ROBO2: variants seen among roughly 807,000 people sequenced by gnomAD.
The protein encoded by ROBO2 is roundabout guidance receptor 2, also known as roundabout homolog 2.
Under a neutral mutation model 160.8 loss-of-function variants are expected in ROBO2, and 53 were observed. The ratio of observed to expected loss-of-function variants is 0.33; its 90% CI spans 0.26 to 0.41. ROBO2 has a LOEUF of 0.41. Ranked by LOEUF, ROBO2 falls within the 10% of genes least tolerant of loss-of-function variation. ROBO2 has a pLI of 1.00. For missense variants in ROBO2, 1,577 were observed against 1,722.4 expected (o/e 0.92, Z 1.49); for synonymous variants, 664 against 611.7 (o/e 1.09, Z -1.26).
chr3:77,607,239 G>C (rs948039048), intron 20 of ROBO2, among the ~76,000 whole-genome samples: 1 of 152,156 alleles, frequency 6.6e-6, no homozygotes, highest in African/African-American at 2.4e-5. Flanking sequence ...CCATTCATTA[G>C]TTAAAAAGTC....
At chr3:76,065,736 A>AATATAT (rs370232330) in intron 2 of ROBO2, among the ~76,000 whole-genome samples, 17 of 134,240 alleles carry the variant, frequency 1.3e-4, no homozygotes, top group South Asian at 1.1e-3. Context: ...ATTTAAACTA[A>AATATAT]ATATATATAT....
At chr3:77,417,673 A>G (rs1261168874) in intron 2 of ROBO2, among the ~76,000 whole-genome samples, 2 of 152,100 alleles carry the variant, frequency 1.3e-5, no homozygotes, top group East Asian at 3.8e-4. Context: ...AAATCAGTAA[A>G]CTTATTTTTT....
chr3:77,063,614 A>G (rs1481474906), intron 1 of ROBO2, among the ~76,000 whole-genome samples: 1 of 152,212 alleles, frequency 6.6e-6, no homozygotes, highest in Non-Finnish European at 1.5e-5. Flanking sequence ...TTTATGACTC[A>G]CACTTACGTT....
chr3:76,732,216 G>T (rs1443210197), intron 2 of ROBO2, among the ~76,000 whole-genome samples: 1 of 152,120 alleles, frequency 6.6e-6, no homozygotes, highest in Non-Finnish European at 1.5e-5. Flanking sequence ...AGAGTGTTTG[G>T]TAGAAAATAT....
chr3:77,379,101 C>G (rs916952855), intron 2 of ROBO2, among the ~76,000 whole-genome samples: 5 of 152,216 alleles, frequency 3.3e-5, no homozygotes, highest in African/African-American at 1.2e-4. Context: ...GCACATGCCA[C>G]CACGCCCAGC....
chr3:76,247,889 A>G (rs1296593678), intron 2 of ROBO2, among the ~76,000 whole-genome samples: 2 of 151,904 alleles, frequency 1.3e-5, no homozygotes, highest in Admixed American at 6.6e-5. Flanking sequence ...CACATGAAAA[A>G]ATGCTCACCA....
intron 2 of ROBO2, among the ~76,000 whole-genome samples, chr3:76,871,960 T>C (rs931519127): frequency 6.6e-6 from 1 of 152,226 alleles, no homozygotes; most frequent in Non-Finnish European, 1.5e-5. Flanking sequence ...TCACATTTTT[T>C]AAAATTTTCT....
At position 77,558,192 on chromosome 3, in the gene ROBO2, A is replaced by G. The variant is rs145873785; in HGVS notation, c.1437+43A>G. The G allele has an allele frequency of 3.9e-4, 584 of 1,505,438 alleles. 5 individuals carry two copies. The African/African-American group carries it at 6.8e-3, about 17-fold the overall frequency. 93.3% of individuals were successfully genotyped at this position (1,505,438 alleles called of 1,614,324 possible). A position where few individuals can be genotyped will look rare whatever the true frequency, so the allele number is the denominator to read the frequency against. ...TGTACATGAATTATCATCTACACAT[A>G]AGTACTGCTCTATGGAAAAATTGCA... On this transcript the variant is annotated intron_variant, in intron 9 of 25. Transcript: ENST00000461745.
chr3:76,857,318 A>T (rs540433824), intron 2 of ROBO2, among the ~76,000 whole-genome samples: 1 of 152,160 alleles, frequency 6.6e-6, no homozygotes, highest in Non-Finnish European at 1.5e-5. Flanking sequence ...TGCATTCCCC[A>T]GTTCCTTTTT....
chr3:76,963,198 G>A (rs879811908), intron 2 of ROBO2, among the ~76,000 whole-genome samples: 1 of 152,070 alleles, frequency 6.6e-6, no homozygotes, highest in African/African-American at 2.4e-5. Flanking sequence ...TCTCAGCTAA[G>A]TGATCATAAA....
intron 2 of ROBO2, among the ~76,000 whole-genome samples, chr3:77,262,109 TC>T (rs2058815371): frequency 6.6e-6 from 1 of 152,164 alleles, no homozygotes; most frequent in Non-Finnish European, 1.5e-5. Flanking sequence ...AATAAATACT[TC>T]ACAAAACTAT....
intron 2 of ROBO2, among the ~76,000 whole-genome samples, chr3:77,018,506 A>G (rs2062425180): frequency 6.6e-6 from 1 of 152,178 alleles, no homozygotes; most frequent in Non-Finnish European, 1.5e-5. Context: ...TTTTCACTAC[A>G]AGGCTATATC....
At chr3:76,603,119 C>A (rs1361283982) in intron 2 of ROBO2, among the ~76,000 whole-genome samples, 1 of 151,370 alleles carries the variant, frequency 6.6e-6, no homozygotes, top group Non-Finnish European at 1.5e-5. Context: ...ATCATGAGGT[C>A]AGGAGATCGA....
At chr3:76,196,051 C>G (rs1702246021) in intron 2 of ROBO2, among the ~76,000 whole-genome samples, 1 of 152,140 alleles carries the variant, frequency 6.6e-6, no homozygotes, top group African/African-American at 2.4e-5. Flanking sequence ...CACTCTTTGT[C>G]ACAGACAAGG....
chr3:76,124,810 T>G (rs2070904275), intron 2 of ROBO2, among the ~76,000 whole-genome samples: 1 of 152,134 alleles, frequency 6.6e-6, no homozygotes, highest in Admixed American at 6.6e-5. Context: ...TGTAATAAAA[T>G]TTACCAATCC....
At chr3:77,075,364 A>T (rs1201550106) in intron 1 of ROBO2, among the ~76,000 whole-genome samples, 1 of 152,104 alleles carries the variant, frequency 6.6e-6, no homozygotes, top group Non-Finnish European at 1.5e-5. Context: ...GTAAGATTTT[A>T]ATTTGAGAGT....
chr3:77,488,353 T>C (rs2085639175), intron 4 of ROBO2, among the ~76,000 whole-genome samples: 1 of 152,196 alleles, frequency 6.6e-6, no homozygotes, highest in Admixed American at 6.5e-5. Context: ...GATCAGCCCA[T>C]TCAGAGAGGC....
At chr3:76,370,308 A>G (rs2076041227) in intron 2 of ROBO2, among the ~76,000 whole-genome samples, 1 of 151,904 alleles carries the variant, frequency 6.6e-6, no homozygotes, top group Non-Finnish European at 1.5e-5. Flanking sequence ...CTTTTCTTGT[A>G]TTCAATATGC....
intron 2 of ROBO2, among the ~76,000 whole-genome samples, chr3:76,271,692 C>G (rs904690673): frequency 2.0e-5 from 3 of 151,610 alleles, no homozygotes; most frequent in African/African-American, 7.3e-5. Flanking sequence ...CTGTATAGCA[C>G]ACTTTCACCC....
Sources: allele counts gnomAD v4.1 joint callset (sites outside exome capture counted in the v4.1 genomes callset), GRCh38; gene constraint gnomAD v4.1.1; transcripts MANE v1.5; gene names NCBI Gene and HGNC (gene_info 2026-07-23, HGNC 2026-07-21).